The following CHRNA4 variants were observed in gnomAD, a reference collection of about 807,000 sequenced individuals.
CHRNA4 encodes the protein neuronal acetylcholine receptor subunit alpha-4.
A neutral mutation model predicts 48.9 loss-of-function variants in CHRNA4; 28 were observed. The ratio of observed to expected loss-of-function variants is 0.57; its 90% CI spans 0.42 to 0.79. The LOEUF (loss-of-function observed/expected upper bound fraction) is 0.79, where lower values mean the gene tolerates loss of function less well. Among genes scored for constraint, CHRNA4 ranks in the 30% least tolerant of loss-of-function variants. The pLI, the probability that CHRNA4 is intolerant of heterozygous loss-of-function variation, is 0.00. For missense variants in CHRNA4, 859 were observed against 898.4 expected, an observed-to-expected ratio of 0.96 and a Z score of 0.56; for synonymous variants, 425 against 402.3, an observed-to-expected ratio of 1.06 and a Z score of -0.68.
rs568680464 is a variant in CHRNA4, at chr20:63,358,928, G to A, written c.228+620C>T. Among the ~76,000 whole-genome samples, 44 of 79,642 alleles carry A rather than the reference G, an allele frequency of 5.5e-4. 1 individual carries two copies. The South Asian group carries it at 0.021, about 38-fold the overall frequency. 52.2% of individuals were successfully genotyped at this position (79,642 alleles called of 152,430 possible). Reference sequence around the variant, plus strand: ...CCCGCAGCTCAGTTCTCTCAGCCTCGAAGCCTCCTGGTTCCTATCCTGCCT... The same window carrying A: ...CCCGCAGCTCAGTTCTCTCAGCCTCAAAGCCTCCTGGTTCCTATCCTGCCT... On this transcript the variant is annotated intron_variant, in intron 2 of 5. Coordinates refer to ENST00000370263, the MANE Select transcript of CHRNA4 (RefSeq NM_000744.7).
chr20:63,356,016 G>C lies in CHRNA4; in HGVS notation c.342C>G (p.Pro114=). ...TGTCCGGCCGCCAGATGAGCTCGGA[G>C]GGGATGCGGATGGAGGTGACATTCT... is the stretch of plus-strand genomic sequence containing the variant. The part of the protein sequence containing the change: ...DYENVTSIRI[P]SELIWRPDIV... The change falls in exon 4 of 6, where the codon CCC becomes CCG. Residue 114 remains proline (P), a synonymous_variant. Transcript: ENST00000370263. 6.2e-7 allele frequency: 1 copy of C among 1,611,382 alleles called. No homozygotes were observed. The highest frequency in any genetic ancestry group is 8.5e-7 in the Non-Finnish European group (1 of 1,179,608).
At chr20:63,361,036 C>A in intron 1 of CHRNA4, 54 bp downstream of exon 1, 1 of 1,358,810 alleles carries the variant, frequency 7.4e-7, no homozygotes, top group East Asian at 3.0e-5. Context: ...TCTGGGGGTC[C>A]CAGGCCATCC....
At chr20:63,354,485 AG>A in intron 4 of CHRNA4, 6 of 477,668 alleles carry the variant, frequency 1.3e-5, no homozygotes, top group Non-Finnish European at 1.5e-5. Flanking sequence ...CTGTGGTCCT[AG>A]GGGGCTGTGG....
At position 63,343,759 on chromosome 20, in the gene CHRNA4, G is replaced by A. The variant is rs764213414; in HGVS notation, c.*2979C>T. Reference sequence around the variant, plus strand: ...GGCGCAAGCAGCCGCAGAGGGGCCGGCGCCCCGGCAGGCTTCGAGCTGCAG... The same window carrying A: ...GGCGCAAGCAGCCGCAGAGGGGCCGACGCCCCGGCAGGCTTCGAGCTGCAG... On this transcript the variant is annotated 3_prime_UTR_variant, in exon 6 of 6. Coordinates refer to ENST00000370263, the MANE Select transcript of CHRNA4 (RefSeq NM_000744.7). 1.5e-5 allele frequency: 7 copies of A among 452,942 alleles called. No individual in the cohort carries two copies. The highest frequency in any genetic ancestry group is 3.1e-5 in the Non-Finnish European group (7 of 225,938). The allele number at this position is 452,942 out of a possible 1,614,324, so 28.1% of individuals were successfully genotyped here.
chr20:63,360,149 C>G, intron 1 of CHRNA4: 2 of 215,072 alleles, frequency 9.3e-6, no homozygotes, highest in Non-Finnish European at 1.9e-5. Flanking sequence ...TAGCAGCTGG[C>G]GAGTCAGAGG....
At position 63,352,958 on chromosome 20, in the gene CHRNA4, C is replaced by T. The variant is rs575791523; in HGVS notation, c.384-1931G>A. Among the ~76,000 whole-genome samples the T allele has an allele frequency of 2.0e-5, 3 of 152,284 alleles. No homozygotes were observed. In the South Asian group the frequency reaches 6.2e-4, roughly 32 times the overall value. On this transcript the variant is annotated intron_variant, in intron 4 of 5. Coordinates refer to ENST00000370263, the MANE Select transcript of CHRNA4 (RefSeq NM_000744.7). ...CCCCGTTTGGGCTGAACCACCCGGC[C>T]GTGAGCCGGCTCTGGACTCGCACCA...
At position 63,345,791 on chromosome 20, in the gene CHRNA4, C is replaced by G. The variant is rs56339657; in HGVS notation, c.*947G>C. On this transcript the variant is annotated 3_prime_UTR_variant, in exon 6 of 6. Coordinates refer to ENST00000370263, the MANE Select transcript of CHRNA4 (RefSeq NM_000744.7). The surrounding 1 kb of genome is among the most constrained non-coding windows in gnomAD (Gnocchi z 5.4). The stretch of plus-strand genomic sequence containing the variant: ...AGCCCAGGGCGGATCTCCCGGGCTG[C>G]GCGCCAAGGTGGAAACCCTCAGGGT... The G allele has an allele frequency of 8.4e-5, 37 of 441,080 alleles. 1 individual carries two copies. Among genetic ancestry groups the G allele is most frequent in the South Asian group, 3.0e-4 (19 of 64,012 alleles). 27.3% of individuals were successfully genotyped at this position (441,080 alleles called of 1,614,324 possible).
At chr20:63,351,179 A>G (rs1355275333) in intron 4 of CHRNA4, 152 bp from the exon 5 acceptor site, 33 of 532,076 alleles carry the variant, frequency 6.2e-5, no homozygotes, top group South Asian at 4.0e-4. Flanking sequence ...CCACGCCCAC[A>G]TCCATGTCCC....
chr20:63,358,393 G>C (rs1045345618), intron 2 of CHRNA4, among the ~76,000 whole-genome samples: 1 of 152,198 alleles, frequency 6.6e-6, no homozygotes, highest in African/African-American at 2.4e-5. Context: ...TACCCAACAC[G>C]CACGGCACCA....
chr20:63,361,156 C>T lies in CHRNA4; in HGVS notation c.10G>A (p.Gly4Arg). The T allele has an allele frequency of 6.8e-7, 1 of 1,481,458 alleles. No homozygotes were observed. The highest frequency in any genetic ancestry group is 2.9e-5 in the East Asian group (1 of 34,928). 91.8% of individuals were successfully genotyped at this position (1,481,458 alleles called of 1,614,324 possible). The stretch of plus-strand genomic sequence containing the variant: ...AGCAGCCGCGGCGCTCCGGGGCCCC[C>T]TAGCTCCATGGCGCACGCACCTCGC... MEL[G>R]GPGAPRLLPP... The change falls in exon 1 of 6, where the codon GGG becomes AGG. Residue 4 changes from glycine (G) to arginine (R), a missense_variant. This residue lies in a region of CHRNA4 where 342 missense variants were observed against 365.3 expected (regional missense o/e 0.94). Transcript: ENST00000370263.
At position 63,350,547 on chromosome 20, in the gene CHRNA4, G is replaced by A. The variant is rs2068578070; in HGVS notation, c.864C>T (p.Phe288=). 1.9e-6 allele frequency: 3 copies of A among 1,613,948 alleles called. No individual in the cohort carries two copies. Among genetic ancestry groups the A allele is most frequent in the Non-Finnish European group, 2.5e-6 (3 of 1,180,016 alleles). The change falls in exon 5 of 6, where the codon TTC becomes TTT. Residue 288 remains phenylalanine, a synonymous_variant. Transcript: ENST00000370263. ...GGATGATCTCGGTGATGAGCAGCAG[G>A]AAGACGGTGAGCGACAGCAGCACGG... ...CISVLLSLTV[F]LLLITEIIPS...
At chr20:63,352,673 G>A (rs1247618488) in intron 4 of CHRNA4, among the ~76,000 whole-genome samples, 1 of 152,194 alleles carries the variant, frequency 6.6e-6, no homozygotes, top group East Asian at 1.9e-4. Flanking sequence ...TTCTCATATG[G>A]CAAGCGGGTG....
chr20:63,347,522 G>T (rs45458296), intron 5 of CHRNA4, among the ~76,000 whole-genome samples: 10,095 of 152,264 alleles, frequency 0.066, 557 homozygotes, highest in African/African-American at 0.15. Flanking sequence ...GATGCAGGGC[G>T]GACCTCCCCC....
At chr20:63,349,191 C>T (rs1289405143) in intron 5 of CHRNA4, among the ~76,000 whole-genome samples, 1 of 152,122 alleles carries the variant, frequency 6.6e-6, no homozygotes, top group Non-Finnish European at 1.5e-5. Flanking sequence ...TCTCTGAGCC[C>T]CCTACATCCA....
In CHRNA4 at chr20:63,346,304, G is replaced by A. The variant is rs201343932; in HGVS notation, c.*434C>T. ...GACACGGTGGGTGGGAGAGGCGGCCGGGCCTCCAGAAGACGGGGCGCTTGG... is the reference window on the plus strand; with the variant it reads ...GACACGGTGGGTGGGAGAGGCGGCCAGGCCTCCAGAAGACGGGGCGCTTGG... On this transcript the variant is annotated 3_prime_UTR_variant, in exon 6 of 6. Coordinates refer to ENST00000370263, the MANE Select transcript of CHRNA4 (RefSeq NM_000744.7). 28 of 454,476 alleles carry A rather than the reference G, an allele frequency of 6.2e-5. No individual in the cohort carries two copies. The highest frequency in any genetic ancestry group is 2.8e-4 in the East Asian group (4 of 14,494). The allele number at this position is 454,476 out of a possible 1,614,324, so 28.2% of individuals were successfully genotyped here. A position where few individuals can be genotyped will look rare whatever the true frequency, so the allele number is the denominator to read the frequency against.
At position 63,350,222 on chromosome 20, in the gene CHRNA4, C is replaced by T. The variant is rs200667912; in HGVS notation, c.1189G>A (p.Gly397Ser). The T allele has an allele frequency of 3.4e-5, 55 of 1,606,782 alleles. No homozygotes were observed. The highest frequency in any genetic ancestry group is 1.3e-4 in the East Asian group (6 of 44,622). ...EPEGEPPATS[G>S]TQSLHPPSPS... ...GAGGGCGGGTGCAGGCTCTGGGTGC[C>T]GCTCGTGGCAGGGGGCTCCCCTTCT... Residue 397 changes from glycine (G) to serine (S), a missense_variant, in exon 5 of 6, where the codon GGC becomes AGC. Physicochemically the swap from Gly to Ser is moderately conservative, Grantham distance 56 (BLOSUM62 0). This residue lies in a region of CHRNA4 where 478 missense variants were observed against 455.4 expected (regional missense o/e 1.05). Coordinates refer to ENST00000370263, the MANE Select transcript of CHRNA4 (RefSeq NM_000744.7).
At chr20:63,353,342 A>C (rs555402294) in intron 4 of CHRNA4, among the ~76,000 whole-genome samples, 1 of 152,102 alleles carries the variant, frequency 6.6e-6, no homozygotes, top group East Asian at 1.9e-4. Flanking sequence ...TCCCAGCCCC[A>C]AAGAGAAAAC....
chr20:63,359,695 G>T lies in CHRNA4; in HGVS notation c.81C>A (p.Ser27Arg), dbSNP rs1211831892. Residue 27 changes from serine to arginine, a missense_variant, in exon 2 of 6, where the codon AGC (serine) becomes AGA (arginine). Physicochemically the swap from Ser to Arg is moderately radical, Grantham distance 110. Around this residue, in one of 3 missense-constraint regions of CHRNA4, gnomAD observed 342 missense variants for 365.3 expected, o/e 0.94. Coordinates refer to ENST00000370263, the MANE Select transcript of CHRNA4 (RefSeq NM_000744.7). Reference sequence around the variant, plus strand: ...CGTGGGCCCGGGTCTCCACATGGCTGCTGGCTGCGGGGAGAGGCAGGCCAG... The same window carrying T: ...CGTGGGCCCGGGTCTCCACATGGCTTCTGGCTGCGGGGAGAGGCAGGCCAG... Reference protein sequence around the residue: ...LLLGTGLLRASSHVETRAHAE... With the variant: ...LLLGTGLLRARSHVETRAHAE... 1.2e-6 allele frequency: 2 copies of T among 1,610,722 alleles called. No individual in the cohort carries two copies. Among genetic ancestry groups the T allele is most frequent in the Non-Finnish European group, 1.7e-6 (2 of 1,179,796 alleles).
rs2068690116 is a variant in CHRNA4, at chr20:63,354,588, GGGGGGGCTGCAGTACTC to G, written c.383+1370_383+1386del. 13 of 563,456 alleles carry G rather than the reference GGGGGGGCTGCAGTACTC, an allele frequency of 2.3e-5. No homozygotes were observed. The South Asian group carries it at 8.4e-4, about 37-fold the overall frequency. 34.9% of individuals were successfully genotyped at this position (563,456 alleles called of 1,614,324 possible). A position where few individuals can be genotyped will look rare whatever the true frequency, so the allele number is the denominator to read the frequency against. ...TGGTCCTGGTGAGGCTGTGGAAGTGGGGGGGGCTGCAGTACTCGGGGGGCTGTGGTCCTGGGGGTTTG... is the reference window on the plus strand; with the variant it reads ...TGGTCCTGGTGAGGCTGTGGAAGTGGGGGGGGCTGTGGTCCTGGGGGTTTG... On this transcript the variant is annotated intron_variant, in intron 4 of 5. Coordinates refer to ENST00000370263, the MANE Select transcript of CHRNA4 (RefSeq NM_000744.7).
Sources: allele counts gnomAD v4.1 joint callset (sites outside exome capture counted in the v4.1 genomes callset), GRCh38; gene constraint gnomAD v4.1.1; regional missense constraint gnomAD v4.1.1; non-coding constraint Gnocchi (gnomAD v3.1); transcripts MANE v1.5; gene names NCBI Gene and HGNC (gene_info 2026-07-23, HGNC 2026-07-21).